Variants in COL6A1 observed in about 807,000 individuals in gnomAD.
COL6A1 encodes the protein collagen alpha-1(VI) chain.
COL6A1 carries 80 observed loss-of-function variants against 145.6 expected under a neutral mutation model. The ratio of observed to expected loss-of-function variants is 0.55; its 90% CI spans 0.46 to 0.66. COL6A1 has a LOEUF of 0.66. Among genes scored for constraint, COL6A1 ranks in the 30% least tolerant of loss-of-function variants. The pLI is 0.00. For missense variants in COL6A1, 1,364 were observed against 1,473.8 expected, an observed-to-expected ratio of 0.93 and a Z score of 1.22; for synonymous variants, 638 against 622.8, an observed-to-expected ratio of 1.02 and a Z score of -0.36.
In COL6A1 at chr21:45,982,840, C is replaced by G. The variant is rs984785123; in HGVS notation, c.227+77C>G. ...GGAGGGGTGGGGGCCCAGGGGAACA[C>G]GGGTGCGACGGCCTCAACCTCCTAA... On this transcript the variant is annotated intron_variant, in intron 2 of 34. Transcript: ENST00000361866. The G allele has an allele frequency of 2.5e-6, 4 of 1,579,050 alleles. No individual in the cohort carries two copies. In the African/African-American group the frequency reaches 5.6e-5, roughly 22 times the overall value.
chr21:45,998,663 G>A (rs2077820628), intron 24 of COL6A1, among the ~76,000 whole-genome samples: 1 of 152,176 alleles, frequency 6.6e-6, no homozygotes, highest in Non-Finnish European at 1.5e-5. Context: ...TCACGGCCCT[G>A]ACTGCCCGGT....
intron 23 of COL6A1, 76 bp from the exon 24 acceptor site, chr21:45,998,322 C>T (rs1156859963): frequency 3.7e-6 from 6 of 1,600,320 alleles, no homozygotes; most frequent in Admixed American, 1.7e-5. Context: ...CAGCTCAGGC[C>T]CTTCCGCTGT....
In COL6A1 at chr21:45,990,369, G is replaced by A. The variant is rs375638855; in HGVS notation, c.958-9G>A. ...ATCTGACTCCTGCCTTCGTTTTCCC[G>A]CCTCACAGGGAGAGAAGGGCAAGCG... On this transcript the variant is annotated splice_polypyrimidine_tract_variant and intron_variant, in intron 12 of 34. Transcript: ENST00000361866. 20 of 1,608,556 alleles carry A rather than the reference G, an allele frequency of 1.2e-5. No homozygotes were observed. Among genetic ancestry groups the A allele is most frequent in the African/African-American group, 2.7e-5 (2 of 74,188 alleles).
intron 1 of COL6A1, 102 bp from the exon 2 acceptor site, chr21:45,982,532 G>A (rs1393838879): frequency 1.1e-5 from 17 of 1,556,020 alleles, no homozygotes; most frequent in African/African-American, 1.4e-5. Context: ...CGGGCCCGGG[G>A]CTCTGTGCTG....
At chr21:45,993,067 G>A (rs545631642) in intron 19 of COL6A1, among the ~76,000 whole-genome samples, 2 of 152,364 alleles carry the variant, frequency 1.3e-5, no homozygotes, top group African/African-American at 2.4e-5. Context: ...CGGCTTCCAC[G>A]TTTCTGCATC....
Position 46,004,218 on chromosome 21 carries a change from G to A in COL6A1, c.*205G>A, listed in dbSNP as rs1384248136. On this transcript the variant is annotated 3_prime_UTR_variant, in exon 35 of 35. Coordinates refer to ENST00000361866, the MANE Select transcript of COL6A1 (RefSeq NM_001848.3). ...TCAGCCCTGAGTTGGCATCACCTGC[G>A]CAGGGCCCTCTGGGGCTCAGCCCTG... The A allele has an allele frequency of 2.5e-5, 17 of 672,708 alleles. No homozygotes were observed. Among genetic ancestry groups the A allele is most frequent in the Middle Eastern group, 4.1e-4 (1 of 2,422 alleles). The allele number at this position is 672,708 out of a possible 1,614,324, so 41.7% of individuals were successfully genotyped here. A position where few individuals can be genotyped will look rare whatever the true frequency, so the allele number is the denominator to read the frequency against.
Position 46,003,033 on chromosome 21 carries a change from T to C in COL6A1, c.2435-87T>C, listed in dbSNP as rs1175064328. 2.5e-6 allele frequency: 4 copies of C among 1,594,110 alleles called. No individual in the cohort carries two copies. The Admixed American group carries it at 5.0e-5, about 20-fold the overall frequency. ...ACTTCCGGGGGCACGGCCACCCCTG[T>C]GCTCGGCCGGGAGGTCCTGTGACAT... On this transcript the variant is annotated intron_variant, in intron 33 of 34. Coordinates refer to ENST00000361866, the MANE Select transcript of COL6A1 (RefSeq NM_001848.3).
At chr21:45,988,992 TG>T in intron 8 of COL6A1, 91 bp from the exon 9 acceptor site, 2 of 1,483,120 alleles carry the variant, frequency 1.3e-6, no homozygotes, top group Non-Finnish European at 1.9e-6. Context: ...CCCTGAAGGC[TG>T]GATGAAGCGT....
Position 46,003,713 on chromosome 21 carries a change from G to A in COL6A1, c.2787G>A (p.Glu929=), listed in dbSNP as rs1328027968. ...ALGYVTRFYR[E]ASSGAAKKRL... ...GCTATGTGACCCGCTTCTACCGCGA[G>A]GCCTCGTCCGGCGCTGCCAAGAAGA... Residue 929 remains glutamate, a synonymous_variant, in exon 35 of 35, where the codon GAG becomes GAA. Coordinates refer to ENST00000361866, the MANE Select transcript of COL6A1 (RefSeq NM_001848.3). The A allele has an allele frequency of 3.1e-6, 5 of 1,613,008 alleles. No homozygotes were observed. Among genetic ancestry groups the A allele is most frequent in the Non-Finnish European group, 4.2e-6 (5 of 1,179,918 alleles).
At chr21:45,985,177 CAGAGAGACAG>C (rs939381255) in intron 3 of COL6A1, among the ~76,000 whole-genome samples, 1 of 44,512 alleles carries the variant, frequency 2.2e-5, no homozygotes, top group South Asian at 1.5e-3. Context: ...CATACAGAGA[CAGAGAGACAG>C]AGAGAAGCAG....
rs1221208333 is a variant in COL6A1 at position 46,003,905 on chromosome 21, G to A, written c.2979G>A (p.Glu993=). The A allele has an allele frequency of 1.9e-6, 3 of 1,604,270 alleles. No individual in the cohort carries two copies. Among genetic ancestry groups the A allele is most frequent in the Non-Finnish European group, 2.6e-6 (3 of 1,173,452 alleles). Reference sequence around the variant, plus strand: ...TCCTGGTCACCGGCAAGACGGCCGAGTACGACGTGGCCTACGGCGAGAGCC... The same window carrying A: ...TCCTGGTCACCGGCAAGACGGCCGAATACGACGTGGCCTACGGCGAGAGCC... ...IRVLVTGKTA[E]YDVAYGESHL... The change falls in exon 35 of 35, where the codon GAG becomes GAA. Residue 993 remains glutamate, a synonymous_variant. Transcript: ENST00000361866.
At chr21:45,987,265 A>G in intron 6 of COL6A1, 90 bp downstream of exon 6, 2 of 1,565,334 alleles carry the variant, frequency 1.3e-6, no homozygotes, top group Non-Finnish European at 1.7e-6. Context: ...GTCCCTATGC[A>G]TATCCGCCCA....
rs1489304991 is a variant in COL6A1, at chr21:45,987,064, G to A, written c.709G>A (p.Asp237Asn). 1.9e-6 allele frequency: 3 copies of A among 1,556,302 alleles called. No individual in the cohort carries two copies. The highest frequency in any genetic ancestry group is 2.6e-6 in the Non-Finnish European group (3 of 1,150,402). Residue 237 changes from aspartate (D) to asparagine (N), a missense_variant, in exon 5 of 35, where the codon GAC becomes AAC. By Grantham distance (23) the Asp-to-Asn change is conservative. This residue lies in a region of COL6A1 where 414 missense variants were observed against 437.6 expected (regional missense o/e 0.95). Coordinates refer to ENST00000361866, the MANE Select transcript of COL6A1 (RefSeq NM_001848.3). ...CAGCCAGACCATCGACACCATCGTG[G>A]ACATGATCGTGAGGCCCCTGCCCAG... ...AISQTIDTIV[D>N]MIKNNVEQVC...
intron 15 of COL6A1, among the ~76,000 whole-genome samples, chr21:45,991,355 G>A (rs954804937): frequency 2.0e-5 from 3 of 152,222 alleles, no homozygotes; most frequent in African/African-American, 7.2e-5. Context: ...CTCCTAGCCT[G>A]CGAGCCGCAG....
At chr21:45,984,199 G>T (rs1445986658) in intron 2 of COL6A1, 70 bp from the exon 3 acceptor site, 4 of 1,453,578 alleles carry the variant, frequency 2.8e-6, no homozygotes, top group Non-Finnish European at 3.8e-6. Flanking sequence ...GGGTGACGTC[G>T]CGCCCTGGGA....
In COL6A1 at chr21:45,998,127, G is replaced by A; in HGVS notation, c.1531G>A (p.Asp511Asn). The A allele has an allele frequency of 6.2e-7, 1 of 1,612,236 alleles. No individual in the cohort carries two copies. The highest frequency in any genetic ancestry group is 8.5e-7 in the Non-Finnish European group (1 of 1,179,730). The stretch of plus-strand genomic sequence containing the variant: ...GGCTACTCTGCTCCCCCAGGGAGAA[G>A]ACGGCCCCGCTGGAAATGGCACCGA... ...DPGLMGERGEDGPAGNGTEGF... is the reference protein window; with the variant it reads ...DPGLMGERGENGPAGNGTEGF... Residue 511 changes from aspartate (D) to asparagine (N), a missense_variant, in exon 23 of 35, where the codon GAC (aspartate) becomes AAC (asparagine). Coordinates refer to ENST00000361866, the MANE Select transcript of COL6A1 (RefSeq NM_001848.3).
At position 45,994,823 on chromosome 21, in the gene COL6A1, G is replaced by T. The variant is rs1377673584; in HGVS notation, c.1398+594G>T. On this transcript the variant is annotated intron_variant, in intron 20 of 34. Coordinates refer to ENST00000361866, the MANE Select transcript of COL6A1 (RefSeq NM_001848.3). This position sits in a 1 kb window ranked among gnomAD's most constrained non-coding sequence, Gnocchi z 6.8. ...TGTTGCCCGCAGGCTGGGCTGGGCC[G>T]TTGCATCCTCCCGGAGCTCACCTGC... 6.6e-6 allele frequency among the ~76,000 whole-genome samples: 1 copy of T among 152,218 alleles called. No homozygotes were observed. The highest frequency in any genetic ancestry group is 1.5e-5 in the Non-Finnish European group (1 of 68,036).
chr21:45,982,547 C>T (rs1047367198), intron 1 of COL6A1, 87 bp from the exon 2 acceptor site: 17 of 1,589,238 alleles, frequency 1.1e-5, no homozygotes, highest in Non-Finnish European at 1.3e-5. Flanking sequence ...GTGCTGCAGG[C>T]GCTGGGCTGG....
Position 45,987,285 on chromosome 21 carries a change from G to C in COL6A1, c.738+110G>C, listed in dbSNP as rs1701043183. 8 of 1,552,772 alleles carry C rather than the reference G, an allele frequency of 5.2e-6. No homozygotes were observed. The South Asian group carries it at 5.6e-5, about 11-fold the overall frequency. The stretch of plus-strand genomic sequence containing the variant: ...TATGCATATCCGCCCATGTGCCCGG[G>C]ACACATGTCCCCTGCGTGTCTGCCC... On this transcript the variant is annotated intron_variant, in intron 6 of 34. Coordinates refer to ENST00000361866, the MANE Select transcript of COL6A1 (RefSeq NM_001848.3).
Sources: allele counts gnomAD v4.1 joint callset (sites outside exome capture counted in the v4.1 genomes callset), GRCh38; gene constraint gnomAD v4.1.1; regional missense constraint gnomAD v4.1.1; non-coding constraint Gnocchi (gnomAD v3.1); transcripts MANE v1.5; gene names NCBI Gene and HGNC (gene_info 2026-07-23, HGNC 2026-07-21).